ARL10: variants seen among roughly 807,000 people sequenced by gnomAD.
ARL10 encodes ARF like GTPase 10.
A neutral mutation model predicts 26.1 loss-of-function variants in ARL10; 23 were observed. That is an observed-to-expected ratio of 0.88 (90% CI 0.63 to 1.25). The LOEUF (loss-of-function observed/expected upper bound fraction) is 1.25, where lower values mean the gene tolerates loss of function less well. ARL10 is among the 50% of genes most tolerant of loss of function. The pLI is 0.00. For missense variants in ARL10, 300 were observed against 323.6 expected (o/e 0.93, Z 0.56); for synonymous variants, 138 against 149.1 (o/e 0.93, Z 0.54).
chr5:176,396,067 G>C (rs1581424203), intron 1 of ARL10, among the ~76,000 whole-genome samples: 2 of 152,130 alleles, frequency 1.3e-5, no homozygotes. Context: ...CCCAGGAGGT[G>C]GAGGTCGCAG....
chr5:176,395,158 T>C (rs1190127854), intron 1 of ARL10, among the ~76,000 whole-genome samples: 2 of 152,064 alleles, frequency 1.3e-5, no homozygotes. Context: ...GCTGGGCCTT[T>C]TCTCTCTGGA....
chr5:176,385,363 A>C, downstream of ARL10: 1 of 1,268,076 alleles, frequency 7.9e-7, no homozygotes, highest in Non-Finnish European at 1.2e-6. Flanking sequence ...ACAGGGAATG[A>C]GGCTTTGCTT....
chr5:176,403,281 C>A (rs377672850), downstream of ARL10, among the ~76,000 whole-genome samples: 27 of 152,204 alleles, frequency 1.8e-4, no homozygotes, highest in African/African-American at 6.5e-4. Flanking sequence ...AACTCCTGAT[C>A]TCAGGTGATC....
At chr5:176,392,630 G>A, downstream of ARL10, 1 of 919,946 alleles carries the variant, frequency 1.1e-6, no homozygotes, top group Non-Finnish European at 1.6e-6. This position sits in a 1 kb window ranked among gnomAD's most constrained non-coding sequence, Gnocchi z 5.2. Flanking sequence ...TGGGGTGAGG[G>A]CCCCCCTCCC....
downstream of ARL10, chr5:176,386,864 C>G: frequency 6.2e-7 from 1 of 1,614,140 alleles, no homozygotes; most frequent in Non-Finnish European, 8.5e-7. Flanking sequence ...GGCTTCCGTA[C>G]AAGCTCTTTA....
the ARL10 span, among the ~76,000 whole-genome samples, chr5:176,410,978 G>A: frequency 1.3e-5 from 2 of 152,110 alleles, no homozygotes; most frequent in African/African-American, 4.8e-5. Flanking sequence ...ATTCACAGTT[G>A]CCCTCCACTC....
the ARL10 span, among the ~76,000 whole-genome samples, chr5:176,414,251 T>G: frequency 6.6e-6 from 1 of 152,274 alleles, no homozygotes; most frequent in East Asian, 1.9e-4. Context: ...CAGTGAATAC[T>G]GGTGCATTAA....
intron 1 of ARL10, among the ~76,000 whole-genome samples, chr5:176,387,173 C>G (rs370603987): frequency 2.0e-5 from 3 of 152,038 alleles, no homozygotes; most frequent in African/African-American, 4.8e-5. Context: ...AACCTCCCCC[C>G]GGGTTCAAGT....
chr5:176,406,696 G>A (rs2113666413), downstream of ARL10: 2 of 1,287,802 alleles, frequency 1.6e-6, no homozygotes, highest in Non-Finnish European at 2.0e-6. Flanking sequence ...TGGACCCGCT[G>A]GTGGTGCACG....
In ARL10 at chr5:176,371,776, G is replaced by C; in HGVS notation, c.616G>C (p.Ala206Pro). ...GCTGCAGCGGGAGCTGGGTCTACAG[G>C]CTATCGATAACCAGCGGGAGGTTTT... ...GELQRELGLQ[A>P]IDNQREVFLL... The change falls in exon 4 of 4, where the codon GCT (alanine) becomes CCT (proline). Residue 206 changes from alanine to proline, a missense_variant. Transcript: ENST00000310389. 6.2e-7 allele frequency: 1 copy of C among 1,614,240 alleles called. No individual in the cohort carries two copies. Among genetic ancestry groups the C allele is most frequent in the Non-Finnish European group, 8.5e-7 (1 of 1,180,044 alleles).
intron 1 of ARL10, 133 bp from the exon 2 acceptor site, chr5:176,366,247 C>T: frequency 9.3e-7 from 1 of 1,080,268 alleles, no homozygotes; most frequent in Non-Finnish European, 1.3e-6. Context: ...GTTCGTCCCA[C>T]TCATCCAGAC....
At chr5:176,399,005 G>C (rs913316887) in intron 1 of ARL10, among the ~76,000 whole-genome samples, 2 of 151,892 alleles carry the variant, frequency 1.3e-5, no homozygotes, top group Admixed American at 1.3e-4. Flanking sequence ...ACGACACCCG[G>C]CTAATTTTTT....
At position 176,401,403 on chromosome 5, in the gene ARL10, T is replaced by C. The variant is rs182760960; in HGVS notation, c.134-338T>C. ...TGACCACCACCCAATCCCCACTCCT[T>C]GAGCAAACATGTACTGAGCCCTTTC... On this transcript the variant is annotated intron_variant, in intron 1 of 1. Transcript: ENST00000514533. 5.9e-5 allele frequency among the ~76,000 whole-genome samples: 9 copies of C among 152,340 alleles called. No individual in the cohort carries two copies. The East Asian group carries it at 1.5e-3, about 26-fold the overall frequency.
downstream of ARL10, chr5:176,389,432 C>A: frequency 6.2e-7 from 1 of 1,614,212 alleles, no homozygotes; most frequent in South Asian, 1.1e-5. Context: ...GATCGCCGCC[C>A]AGGGTTTCAC....
At chr5:176,369,387 C>G (rs572778332) in intron 3 of ARL10, 12 of 416,840 alleles carry the variant, frequency 2.9e-5, no homozygotes, top group African/African-American at 2.1e-4. Context: ...TATGTGCCAC[C>G]ACACCCAGCC....
At position 176,395,084 on chromosome 5, in the gene ARL10, CCCATCCCCA is replaced by C. The variant is rs369801294; in HGVS notation, c.134-6631_134-6623del. Among the ~76,000 whole-genome samples, 894 of 151,928 alleles carry C rather than the reference CCCATCCCCA, an allele frequency of 5.9e-3. 7 individuals carry two copies. The highest frequency in any genetic ancestry group is 0.02 in the African/African-American group (823 of 41,394). On this transcript the variant is annotated intron_variant, in intron 1 of 1. Transcript: ENST00000514533. The stretch of plus-strand genomic sequence containing the variant: ...AACCACCTCCCAGCCTCAGCTCCCA[CCCATCCCCA>C]CCATCCCCACCATCCCCACCATCCC...
chr5:176,394,351 C>G (rs182676523), intron 1 of ARL10, among the ~76,000 whole-genome samples: 1 of 152,220 alleles, frequency 6.6e-6, no homozygotes, highest in South Asian at 2.1e-4. Flanking sequence ...AGGGTTTTCA[C>G]GAGACCCCCT....
chr5:176,403,239 G>A (rs1200779826), downstream of ARL10, among the ~76,000 whole-genome samples: 3 of 151,800 alleles, frequency 2.0e-5, no homozygotes, highest in Admixed American at 6.6e-5. Flanking sequence ...TAGTAGAGAC[G>A]GGGTTTTGCC....
rs1169547003 is a variant in ARL10 at position 176,365,673 on chromosome 5, A to C, written c.110A>C (p.Glu37Ala). 2 of 1,247,576 alleles carry C rather than the reference A, an allele frequency of 1.6e-6. No individual in the cohort carries two copies. Among genetic ancestry groups the C allele is most frequent in the Non-Finnish European group, 2.0e-6 (2 of 995,068 alleles). The allele number at this position is 1,247,576 out of a possible 1,614,324, so 77.3% of individuals were successfully genotyped here. Reference sequence around the variant, plus strand: ...AAGACCTACTTCGGCCGCGGCCGAGAGCGGCGCTGGGACCGGGGAGAGGCC... The same window carrying C: ...AAGACCTACTTCGGCCGCGGCCGAGCGCGGCGCTGGGACCGGGGAGAGGCC... ...LWKTYFGRGR[E>A]RRWDRGEAWW... Residue 37 changes from glutamate to alanine, a missense_variant, in exon 1 of 4, where the codon GAG becomes GCG. By Grantham distance (107) the Glu-to-Ala change is moderately radical. Coordinates refer to ENST00000310389, the MANE Select transcript of ARL10 (RefSeq NM_173664.6).
Sources: gnomAD v4.1 joint callset for allele counts (sites outside exome capture counted in the v4.1 genomes callset) on GRCh38, gnomAD v4.1.1 for gene constraint, Gnocchi (gnomAD v3.1) non-coding constraint, MANE v1.5 for transcripts, NCBI Gene and HGNC (gene_info 2026-07-23, HGNC 2026-07-21) for gene names.